Variants in UBE2D1 observed in about 807,000 individuals in gnomAD.
UBE2D1 encodes the protein ubiquitin conjugating enzyme E2 D1, also known as ubiquitin-conjugating enzyme E2 D1.
UBE2D1 carries 9 observed loss-of-function variants against 24.6 expected under a neutral mutation model. The observed-to-expected ratio is 0.37, with a 90% CI of 0.22 to 0.64. The LOEUF (loss-of-function observed/expected upper bound fraction) is 0.64, where lower values mean the gene tolerates loss of function less well. UBE2D1 is among the 30% of genes least tolerant of loss of function. The probability of loss-of-function intolerance (pLI) is 0.64; values close to 1 mark genes in which losing one functional copy is unlikely to be tolerated. For synonymous variants in UBE2D1, 57 were observed against 57.6 expected (o/e 0.99, Z 0.04); for missense variants, 87 against 177.1 (o/e 0.49, Z 2.89).
chr10:58,359,512 CA>C (rs1840171167), intron 1 of UBE2D1, among the ~76,000 whole-genome samples: 1 of 152,082 alleles, frequency 6.6e-6, no homozygotes, highest in African/African-American at 2.4e-5. Context: ...TATGTTGAAC[CA>C]CATTGTTTCT....
intron 3 of UBE2D1, among the ~76,000 whole-genome samples, chr10:58,361,977 T>C (rs1015206116): frequency 1.1e-4 from 17 of 152,156 alleles, no homozygotes; most frequent in Non-Finnish European, 2.9e-5. Flanking sequence ...AGAGAATCAA[T>C]AAAATATTAC....
At chr10:58,368,521 G>T in intron 6 of UBE2D1, 199 bp from the exon 7 acceptor site, 2 of 365,296 alleles carry the variant, frequency 5.5e-6, no homozygotes, top group Non-Finnish European at 9.9e-6. Context: ...CATATAGGTT[G>T]CAGAGAAATC....
intron 1 of UBE2D1, among the ~76,000 whole-genome samples, chr10:58,346,419 T>C (rs1204724757): frequency 1.3e-5 from 2 of 152,224 alleles, no homozygotes; most frequent in East Asian, 3.9e-4. Flanking sequence ...ATGCATGGAG[T>C]ATTCTAGGAA....
At chr10:58,348,900 C>G (rs1038284724) in intron 1 of UBE2D1, among the ~76,000 whole-genome samples, 1 of 152,122 alleles carries the variant, frequency 6.6e-6, no homozygotes, top group African/African-American at 2.4e-5. Context: ...TAGGCTGCCT[C>G]ATCTACTTTT....
intron 1 of UBE2D1, among the ~76,000 whole-genome samples, chr10:58,336,687 G>A (rs1839907031): frequency 6.6e-6 from 1 of 152,120 alleles, no homozygotes; most frequent in Non-Finnish European, 1.5e-5. Context: ...ACCATACCTT[G>A]CATACTTATT....
In UBE2D1 at chr10:58,364,772, T is replaced by C; in HGVS notation, c.200T>C (p.Ile67Thr). The change falls in exon 5 of 7, where the codon ATT (isoleucine) becomes ACT (threonine). Residue 67 changes from isoleucine to threonine, a missense_variant and splice_region_variant. By Grantham distance (89) the Ile-to-Thr change is moderately conservative (BLOSUM62 -1). Transcript: ENST00000373910. ...TTTGTTGTTTTGTTTTATGTTTAGA[T>C]TGCTTTCACAACAAAAATTTACCAT... ...PTDYPFKPPK[I>T]AFTTKIYHPN... The C allele has an allele frequency of 1.2e-6, 2 of 1,610,348 alleles. No homozygotes were observed. The highest frequency in any genetic ancestry group is 1.7e-6 in the Non-Finnish European group (2 of 1,177,546).
chr10:58,335,400 G>A (rs1329608456), intron 1 of UBE2D1, among the ~76,000 whole-genome samples, 175 bp downstream of exon 1: 2 of 152,228 alleles, frequency 1.3e-5, no homozygotes, highest in East Asian at 3.9e-4. Context: ...GGTGAGGTGG[G>A]AGCAGGGTCA....
At chr10:58,339,272 A>G (rs1448291218) in intron 1 of UBE2D1, among the ~76,000 whole-genome samples, 1 of 152,006 alleles carries the variant, frequency 6.6e-6, no homozygotes, top group East Asian at 1.9e-4. Flanking sequence ...CACCTGGCTA[A>G]TTTTTGTATT....
chr10:58,335,254 C>A (rs1273934977), intron 1 of UBE2D1, 29 bp downstream of exon 1: 2 of 1,512,214 alleles, frequency 1.3e-6, no homozygotes, highest in African/African-American at 1.4e-5. Context: ...CCTGGGGCTG[C>A]GGGGCAGCGG....
rs201387394 is a variant in UBE2D1, at chr10:58,363,570, T to G, written c.121-39T>G. ...ATAATTTTGTTGTTATAAATAAATA[T>G]AGTAATCAAATGCTGATGCAAATCT... On this transcript the variant is annotated intron_variant, in intron 3 of 6. Transcript: ENST00000373910. 50 of 1,415,566 alleles carry G rather than the reference T, an allele frequency of 3.5e-5. No individual in the cohort carries two copies. In the African/African-American group the frequency reaches 6.5e-4, roughly 18 times the overall value. The allele number at this position is 1,415,566 out of a possible 1,614,324, so 87.7% of individuals were successfully genotyped here.
At chr10:58,356,996 A>G (rs1840138463) in intron 1 of UBE2D1, among the ~76,000 whole-genome samples, 1 of 152,130 alleles carries the variant, frequency 6.6e-6, no homozygotes, top group Non-Finnish European at 1.5e-5. Context: ...TTGGGAGGCT[A>G]TTTATAGGGT....
intron 4 of UBE2D1, 83 bp from the exon 5 acceptor site, chr10:58,364,688 T>C (rs1012055717): frequency 2.9e-5 from 27 of 936,718 alleles, no homozygotes; most frequent in South Asian, 7.8e-5. Flanking sequence ...GAGGATATTT[T>C]ACCCTAGAGC....
intron 4 of UBE2D1, among the ~76,000 whole-genome samples, chr10:58,364,155 G>C (rs1467116271): frequency 3.3e-5 from 5 of 151,956 alleles, no homozygotes; most frequent in Non-Finnish European, 7.4e-5. Context: ...AGAAACACAT[G>C]TTAGATTTAG....
At chr10:58,344,641 C>A (rs906641351) in intron 1 of UBE2D1, among the ~76,000 whole-genome samples, 9 of 152,164 alleles carry the variant, frequency 5.9e-5, no homozygotes, top group African/African-American at 2.2e-4. Context: ...ATGTTGACAT[C>A]TCTTAATGTA....
intron 1 of UBE2D1, among the ~76,000 whole-genome samples, chr10:58,360,111 G>A (rs1376653297): frequency 3.3e-5 from 5 of 152,104 alleles, no homozygotes; most frequent in African/African-American, 4.8e-5. Flanking sequence ...AATGTGGTCT[G>A]TATGGTTGTC....
intron 6 of UBE2D1, 120 bp downstream of exon 6, chr10:58,368,136 A>G (rs1840277178): frequency 1.5e-6 from 1 of 687,774 alleles, no homozygotes; most frequent in Non-Finnish European, 2.4e-6. Flanking sequence ...TATATTGTTT[A>G]TCTTTTTCCA....
intron 5 of UBE2D1, among the ~76,000 whole-genome samples, chr10:58,366,854 T>G (rs1307472681): frequency 6.6e-6 from 1 of 152,102 alleles, no homozygotes; most frequent in African/African-American, 2.4e-5. Context: ...GTAGCTGGCA[T>G]TATAGGCACA....
chr10:58,339,125 A>G (rs1317405401), intron 1 of UBE2D1, among the ~76,000 whole-genome samples: 5 of 152,060 alleles, frequency 3.3e-5, no homozygotes, highest in African/African-American at 4.8e-5. Flanking sequence ...TTTTGTTTTT[A>G]GACAGGGTCT....
chr10:58,347,565 A>G (rs181163547), intron 1 of UBE2D1, among the ~76,000 whole-genome samples: 25 of 151,926 alleles, frequency 1.6e-4, no homozygotes, highest in East Asian at 5.8e-4. Flanking sequence ...ACTGGGGGAA[A>G]GTGGTTGAGA....
Sources: allele counts gnomAD v4.1 joint callset (sites outside exome capture counted in the v4.1 genomes callset), GRCh38; gene constraint gnomAD v4.1.1; transcripts MANE v1.5; gene names NCBI Gene and HGNC (gene_info 2026-07-23, HGNC 2026-07-21).